The following GREB1 variants were observed in gnomAD, a reference collection of about 807,000 sequenced individuals.
GREB1 encodes growth regulating estrogen receptor binding 1, also known as protein GREB1.
A neutral mutation model predicts 200.7 loss-of-function variants in GREB1; 106 were observed. That is an observed-to-expected ratio of 0.53 (90% confidence interval 0.45 to 0.62). The LOEUF is 0.62. GREB1 is among the 20% of genes least tolerant of loss of function. The pLI is 0.00. For synonymous variants in GREB1, 1,132 were observed against 1,092.4 expected (o/e 1.04, Z -0.72); for missense variants, 2,243 against 2,556.8 (o/e 0.88, Z 2.65).
chr2:11,628,976 G>A (rs1385629141), intron 25 of GREB1, among the ~76,000 whole-genome samples: 2 of 152,186 alleles, frequency 1.3e-5, no homozygotes, highest in African/African-American at 2.4e-5. Flanking sequence ...GCACCTGCTC[G>A]TTCTGTTTTC....
chr2:11,566,574 C>G lies in GREB1; in HGVS notation c.372C>G (p.Ser124=). Residue 124 remains serine, a synonymous_variant, in exon 4 of 33, where the codon TCC becomes TCG. Transcript: ENST00000381486. ...PAGFLLVGVK[S]PSLPDHLLVC... ...GCTTTCTCCTCGTGGGGGTCAAGTCCCCCAGCCTGCCGGACCATCTCCTGG... is the reference window on the plus strand; with the variant it reads ...GCTTTCTCCTCGTGGGGGTCAAGTCGCCCAGCCTGCCGGACCATCTCCTGG... 1 of 1,614,132 alleles carries G rather than the reference C, an allele frequency of 6.2e-7. No individual in the cohort carries two copies. The highest frequency in any genetic ancestry group is 1.7e-5 in the Admixed American group (1 of 60,012).
intron 8 of GREB1, 151 bp from the exon 9 acceptor site, chr2:11,585,611 C>A: frequency 1.3e-6 from 1 of 767,428 alleles, no homozygotes; most frequent in Non-Finnish European, 2.1e-6. Context: ...GTGCCGTTGA[C>A]CTTAGGAATC....
At position 11,556,561 on chromosome 2, in the gene GREB1, T is replaced by G. The variant is rs1676452363; in HGVS notation, c.-54T>G. 1 of 1,489,528 alleles carries G rather than the reference T, an allele frequency of 6.7e-7. No individual in the cohort carries two copies. The highest frequency in any genetic ancestry group is 1.8e-5 in the Admixed American group (1 of 56,112). The allele number at this position is 1,489,528 out of a possible 1,614,324, so 92.3% of individuals were successfully genotyped here. On this transcript the variant is annotated 5_prime_UTR_variant, in exon 2 of 33. Transcript: ENST00000381486. ...CCTTCTACCTTGCGTGGAGCCAGGC[T>G]TTTGCACCGAATCTGAGATGCCATT...
chr2:11,501,470 T>C (rs369755241), intron 1 of GREB1, among the ~76,000 whole-genome samples: 11 of 152,208 alleles, frequency 7.2e-5, no homozygotes, highest in African/African-American at 2.7e-4. Flanking sequence ...CTTGGCTCAC[T>C]GTAACCTCTG....
Position 11,631,999 on chromosome 2 carries a change from G to A in GREB1, c.4702G>A (p.Ala1568Thr), listed in dbSNP as rs200881760. 1.9e-6 allele frequency: 3 copies of A among 1,613,526 alleles called. No individual in the cohort carries two copies. The East Asian group carries it at 6.7e-5, about 36-fold the overall frequency. Residue 1568 changes from alanine to threonine, a missense_variant, in exon 27 of 33, where the codon GCC becomes ACC. Around this residue, in one of 3 missense-constraint regions of GREB1, gnomAD observed 478 missense variants for 616.3 expected, o/e 0.78. Coordinates refer to ENST00000381486, the MANE Select transcript of GREB1 (RefSeq NM_014668.4). Reference protein sequence around the residue: ...LFNLYHAMDGASHLHVLVVKE... With the variant: ...LFNLYHAMDGTSHLHVLVVKE... ...TAATCTGTACCACGCAATGGACGGT[G>A]CCAGCCATTTGCACGTGCTGGTTGT...
intron 1 of GREB1, among the ~76,000 whole-genome samples, chr2:11,550,801 ACCTGCACATT>A (rs1675742683): frequency 6.6e-6 from 1 of 152,064 alleles, no homozygotes; most frequent in Non-Finnish European, 1.5e-5. Flanking sequence ...GGGTCCTTAT[ACCTGCACATT>A]CCTTCACTGT....
chr2:11,550,954 C>T (rs745788112), intron 1 of GREB1, among the ~76,000 whole-genome samples: 44 of 152,188 alleles, frequency 2.9e-4, no homozygotes, highest in Non-Finnish European at 5.4e-4. Context: ...TTCTGCCCTG[C>T]ACTTATTCTA....
intron 17 of GREB1, among the ~76,000 whole-genome samples, chr2:11,607,631 C>CATATAT (rs1188201092): frequency 6.8e-6 from 1 of 147,158 alleles, no homozygotes; most frequent in Non-Finnish European, 1.5e-5. Context: ...CATATATATA[C>CATATAT]ATATATATAT....
chr2:11,611,063 G>A, intron 18 of GREB1, 36 bp downstream of exon 18: 6 of 1,481,178 alleles, frequency 4.1e-6, no homozygotes, highest in East Asian at 2.4e-5. Flanking sequence ...GGAGGGCCTG[G>A]GGGTACCTGG....
intron 19 of GREB1, among the ~76,000 whole-genome samples, chr2:11,613,392 G>C (rs1006400063): frequency 2.0e-5 from 3 of 152,206 alleles, no homozygotes; most frequent in African/African-American, 7.2e-5. Flanking sequence ...TCTGGGAACT[G>C]TCCTAGATTC....
intron 3 of GREB1, among the ~76,000 whole-genome samples, chr2:11,564,691 G>A (rs914552132): frequency 3.3e-5 from 5 of 152,228 alleles, no homozygotes; most frequent in Non-Finnish European, 5.9e-5. Flanking sequence ...GGACCCCCTG[G>A]GGATTGACCT....
At chr2:11,558,250 G>A (rs1676632880) in intron 2 of GREB1, among the ~76,000 whole-genome samples, 2 of 152,162 alleles carry the variant, frequency 1.3e-5, no homozygotes, top group Non-Finnish European at 2.9e-5. Context: ...TGCCCACAGC[G>A]GGAGAGAGGA....
rs370335808 is a variant in GREB1 at position 11,596,267 on chromosome 2, G to T, written c.1954+28G>T. 3.7e-6 allele frequency: 6 copies of T among 1,604,828 alleles called. No individual in the cohort carries two copies. In the African/African-American group the frequency reaches 6.7e-5, roughly 18 times the overall value. On this transcript the variant is annotated intron_variant, in intron 13 of 32. Coordinates refer to ENST00000381486, the MANE Select transcript of GREB1 (RefSeq NM_014668.4). ...GAGTGGTGAAAAGGAATCTCCCAGG[G>T]TGGAGAGGGTACAAAGTAGTGATGA...
At chr2:11,545,562 T>TA (rs1470295609) in intron 1 of GREB1, among the ~76,000 whole-genome samples, 2 of 152,054 alleles carry the variant, frequency 1.3e-5, no homozygotes, top group African/African-American at 4.8e-5. Context: ...AAAAGCAACT[T>TA]AAAAAAAATG....
chr2:11,565,466 C>G (rs1326199645), intron 3 of GREB1, among the ~76,000 whole-genome samples: 2 of 152,148 alleles, frequency 1.3e-5, no homozygotes, highest in South Asian at 2.1e-4. Context: ...GGCCTTGGCT[C>G]GTCAGGACTC....
At chr2:11,555,575 C>G (rs966408912) in intron 1 of GREB1, among the ~76,000 whole-genome samples, 4 of 152,152 alleles carry the variant, frequency 2.6e-5, no homozygotes, top group Admixed American at 2.6e-4. Flanking sequence ...TTGATTCATG[C>G]TAAACAGATG....
chr2:11,606,347 T>G (rs901075070), intron 17 of GREB1, among the ~76,000 whole-genome samples: 4 of 152,200 alleles, frequency 2.6e-5, no homozygotes, highest in Non-Finnish European at 5.9e-5. Context: ...CTTGGTATGG[T>G]CAGTATTTTA....
At chr2:11,568,908 C>A (rs987695140) in intron 4 of GREB1, among the ~76,000 whole-genome samples, 5 of 152,222 alleles carry the variant, frequency 3.3e-5, no homozygotes, top group Non-Finnish European at 7.3e-5. Flanking sequence ...GCATACTTAA[C>A]ACTGTTTAGG....
Position 11,611,051 on chromosome 2 carries a change from G to A in GREB1, c.3006+24G>A, listed in dbSNP as rs749122572. 4 of 1,523,376 alleles carry A rather than the reference G, an allele frequency of 2.6e-6. No homozygotes were observed. In the Admixed American group the frequency reaches 6.0e-5, roughly 23 times the overall value. The allele number at this position is 1,523,376 out of a possible 1,614,324, so 94.4% of individuals were successfully genotyped here. On this transcript the variant is annotated intron_variant, in intron 18 of 32. Coordinates refer to ENST00000381486, the MANE Select transcript of GREB1 (RefSeq NM_014668.4). The stretch of plus-strand genomic sequence containing the variant: ...GGGTAGGTGCTGTGCGCAGGGAGGG[G>A]CGGAGGGCCTGGGGGTACCTGGGAG...
Sources: allele counts gnomAD v4.1 joint callset (sites outside exome capture counted in the v4.1 genomes callset), GRCh38; gene constraint gnomAD v4.1.1; regional missense constraint gnomAD v4.1.1; transcripts MANE v1.5; gene names NCBI Gene and HGNC (gene_info 2026-07-23, HGNC 2026-07-21).